LEF1: variants seen among roughly 807,000 people sequenced by gnomAD.
The protein encoded by LEF1 is lymphoid enhancer-binding factor 1.
Under a neutral mutation model 51.2 loss-of-function variants are expected in LEF1, and 14 were observed. That is an observed-to-expected ratio of 0.27 (90% confidence interval 0.18 to 0.43). The LOEUF (loss-of-function observed/expected upper bound fraction) is 0.43, where lower values mean the gene tolerates loss of function less well. Among genes scored for constraint, LEF1 ranks in the 20% least tolerant of loss-of-function variants. The probability of loss-of-function intolerance (pLI) is 1.00; values close to 1 mark genes in which losing one functional copy is unlikely to be tolerated. For missense variants in LEF1, 386 were observed against 512.0 expected (o/e 0.75, Z 2.37); for synonymous variants, 185 against 183.2 (o/e 1.01, Z -0.08).
intron 11 of LEF1, among the ~76,000 whole-genome samples, chr4:108,051,072 T>A (rs771683134): frequency 3.3e-5 from 5 of 152,226 alleles, no homozygotes; most frequent in Non-Finnish European, 7.3e-5. Context: ...AAGGATAGTA[T>A]GTCACTTGCC....
intron 3 of LEF1, among the ~76,000 whole-genome samples, chr4:108,110,964 T>C (rs1310736876): frequency 2.0e-5 from 3 of 152,104 alleles, no homozygotes; most frequent in African/African-American, 4.8e-5. Context: ...ACTTACTAAA[T>C]TGGATGAAAG....
Position 108,079,490 on chromosome 4 carries a change from A to G in LEF1, c.845+2T>C. On this transcript the variant is annotated splice_donor_variant, in intron 7 of 11. Coordinates refer to ENST00000265165, the MANE Select transcript of LEF1 (RefSeq NM_016269.5). LOFTEE classifies it high-confidence loss of function. ...CACAGCAGAGCCCGGGTGGATACTT[A>G]CACGTGCATTAGGTCACTGTCAGTG... The G allele has an allele frequency of 1.2e-6, 2 of 1,614,116 alleles. No individual in the cohort carries two copies. Among genetic ancestry groups the G allele is most frequent in the Non-Finnish European group, 1.7e-6 (2 of 1,179,994 alleles).
At chr4:108,082,010 A>C (rs1445967810) in intron 5 of LEF1, among the ~76,000 whole-genome samples, 1 of 152,190 alleles carries the variant, frequency 6.6e-6, no homozygotes, top group Non-Finnish European at 1.5e-5. Context: ...GAGAATAGTG[A>C]AATATTCCCT....
At chr4:108,099,534 A>AGG (rs1740616686) in intron 3 of LEF1, among the ~76,000 whole-genome samples, 1 of 114,934 alleles carries the variant, frequency 8.7e-6, no homozygotes, top group African/African-American at 3.3e-5. Context: ...ATATATATAT[A>AGG]TGTGTATATG....
chr4:108,129,726 G>C (rs898631284), intron 3 of LEF1, among the ~76,000 whole-genome samples: 1 of 152,150 alleles, frequency 6.6e-6, no homozygotes, highest in Non-Finnish European at 1.5e-5. Flanking sequence ...TTAATAAAAA[G>C]GTCATACCTT....
At chr4:108,087,430 T>G (rs6853083) in intron 4 of LEF1, among the ~76,000 whole-genome samples, 11 of 151,548 alleles carry the variant, frequency 7.3e-5, no homozygotes, top group Non-Finnish European at 1.5e-4. Context: ...AGTTTTTTTT[T>G]AAAAAAAGTT....
intron 3 of LEF1, among the ~76,000 whole-genome samples, chr4:108,129,731 T>C (rs1208279785): frequency 1.3e-5 from 2 of 152,230 alleles, no homozygotes; most frequent in Admixed American, 6.5e-5. Context: ...AAAAAGGTCA[T>C]ACCTTGGCAT....
chr4:108,163,336 ATC>A (rs5860903), intron 3 of LEF1, among the ~76,000 whole-genome samples: 4,270 of 152,262 alleles, frequency 0.028, 185 homozygotes, highest in African/African-American at 0.097. Context: ...ATAACTTATG[ATC>A]TGTTACATAT....
rs765376233 is a variant in LEF1, at chr4:108,081,534, G to A, written c.722+52C>T. 20 of 1,441,566 alleles carry A rather than the reference G, an allele frequency of 1.4e-5. No individual in the cohort carries two copies. The Admixed American group carries it at 2.5e-4, about 18-fold the overall frequency. 89.3% of individuals were successfully genotyped at this position (1,441,566 alleles called of 1,614,324 possible). ...GCAAGCAGAGGCGCACAGGATGCAA[G>A]CACGAGAAGAGCAACTTGTCCTCGA... On this transcript the variant is annotated intron_variant, in intron 6 of 11. Coordinates refer to ENST00000265165, the MANE Select transcript of LEF1 (RefSeq NM_016269.5).
chr4:108,140,440 C>T (rs1461662495), intron 3 of LEF1, among the ~76,000 whole-genome samples: 7 of 152,180 alleles, frequency 4.6e-5, no homozygotes, highest in Admixed American at 2.0e-4. Context: ...TTTTATCTTT[C>T]GATAACTGCA....
intron 3 of LEF1, among the ~76,000 whole-genome samples, chr4:108,111,109 A>G (rs1741506129): frequency 6.6e-6 from 1 of 152,222 alleles, no homozygotes; most frequent in South Asian, 2.1e-4. Flanking sequence ...GATACACCAA[A>G]TGAAAGAACA....
intron 3 of LEF1, among the ~76,000 whole-genome samples, chr4:108,123,326 G>T (rs974504): frequency 6.6e-6 from 1 of 151,384 alleles, no homozygotes; most frequent in South Asian, 2.1e-4. Context: ...GACAGCACTT[G>T]AGACAAGAAA....
chr4:108,074,299 T>C (rs1738699759), intron 8 of LEF1, among the ~76,000 whole-genome samples: 1 of 152,160 alleles, frequency 6.6e-6, no homozygotes, highest in South Asian at 2.1e-4. Context: ...TTTCACCAAG[T>C]TGTGGGGAAA....
At position 108,048,509 on chromosome 4, in the gene LEF1, C is replaced by A; in HGVS notation, c.*249G>T. On this transcript the variant is annotated 3_prime_UTR_variant, in exon 12 of 12. Transcript: ENST00000265165. ...GCTTTTACATTTCCTTTTAAAAAAC[C>A]TTTTTATGCTTTATTTTGGAACTTG... 2.3e-6 allele frequency: 1 copy of A among 441,784 alleles called. No homozygotes were observed. The highest frequency in any genetic ancestry group is 4.0e-6 in the Non-Finnish European group (1 of 249,164). The allele number at this position is 441,784 out of a possible 1,614,324, so 27.4% of individuals were successfully genotyped here.
At chr4:108,083,570 C>G (rs1008871617) in intron 4 of LEF1, 124 bp from the exon 5 acceptor site, 17 of 601,128 alleles carry the variant, frequency 2.8e-5, no homozygotes, top group Non-Finnish European at 4.5e-5. Context: ...TTCACCAGAT[C>G]CAAGGAACAG....
intron 3 of LEF1, among the ~76,000 whole-genome samples, chr4:108,154,760 A>G (rs1202865451): frequency 6.6e-6 from 1 of 152,150 alleles, no homozygotes; most frequent in Non-Finnish European, 1.5e-5. Flanking sequence ...CCAGTATACA[A>G]AGATGATATG....
In LEF1 at chr4:108,167,730, C is replaced by T; in HGVS notation, c.38G>A (p.Gly13Glu). ...GTCCGTGGCGCAGAGTTCCGGGTCC[C>T]CCCCGCCGCCGCCACCTCCTCCGGA... ...QLSGGGGGGG[G>E]DPELCATDEM... is the part of the protein sequence containing the mutation. The change falls in exon 1 of 12, where the codon GGG becomes GAG. Residue 13 changes from glycine (G) to glutamate (E), a missense_variant. Physicochemically the swap from Gly to Glu is moderately conservative, Grantham distance 98. Transcript: ENST00000265165. This position sits in a 1 kb window ranked among gnomAD's most constrained non-coding sequence, Gnocchi z 5.7. 6.2e-7 allele frequency: 1 copy of T among 1,613,642 alleles called. No individual in the cohort carries two copies. Among genetic ancestry groups the T allele is most frequent in the Non-Finnish European group, 8.5e-7 (1 of 1,180,016 alleles).
chr4:108,093,931 T>C (rs1487279201), intron 3 of LEF1, among the ~76,000 whole-genome samples: 1 of 152,228 alleles, frequency 6.6e-6, no homozygotes, highest in Non-Finnish European at 1.5e-5. Flanking sequence ...CTAAGCACTT[T>C]ATCCTCACAA....
Position 108,167,858 on chromosome 4 carries a change from G to A in LEF1, c.-91C>T, listed in dbSNP as rs1439142425. 1.0e-5 allele frequency: 12 copies of A among 1,187,900 alleles called. No individual in the cohort carries two copies. The East Asian group carries it at 2.8e-4, about 28-fold the overall frequency. 73.6% of individuals were successfully genotyped at this position (1,187,900 alleles called of 1,614,324 possible). On this transcript the variant is annotated 5_prime_UTR_variant, in exon 1 of 12. Coordinates refer to ENST00000265165, the MANE Select transcript of LEF1 (RefSeq NM_016269.5). The surrounding 1 kb of genome is among the most constrained non-coding windows in gnomAD (Gnocchi z 5.7). ...GGTAACTCAAGGGTGGGGGAGGAAAGGAGAGTTGGAAGGGTTCGTGCAGCA... is the reference window on the plus strand; with the variant it reads ...GGTAACTCAAGGGTGGGGGAGGAAAAGAGAGTTGGAAGGGTTCGTGCAGCA...
Sources: allele counts gnomAD v4.1 joint callset (sites outside exome capture counted in the v4.1 genomes callset), GRCh38; gene constraint gnomAD v4.1.1; non-coding constraint Gnocchi (gnomAD v3.1); transcripts MANE v1.5; gene names NCBI Gene and HGNC (gene_info 2026-07-23, HGNC 2026-07-21).